IPCEF1: variants seen among roughly 807,000 people sequenced by gnomAD.
IPCEF1 encodes the protein interaction protein for cytohesin exchange factors 1.
Under a neutral mutation model 50.9 loss-of-function variants are expected in IPCEF1, and 31 were observed. The ratio of observed to expected loss-of-function variants is 0.61; its 90% CI spans 0.46 to 0.82. The LOEUF is 0.82. Among genes scored for constraint, IPCEF1 ranks in the 40% least tolerant of loss-of-function variants. The pLI, the probability that IPCEF1 is intolerant of heterozygous loss-of-function variation, is 0.00. For missense variants in IPCEF1, 458 were observed against 514.0 expected (o/e 0.89, Z 1.05); for synonymous variants, 181 against 192.0 (o/e 0.94, Z 0.47).
intron 7 of IPCEF1, among the ~76,000 whole-genome samples, chr6:154,219,985 AGT>A (rs57450665): frequency 0.2 from 27,885 of 139,754 alleles, 2,611 homozygotes; most frequent in East Asian, 0.27. Flanking sequence ...ACCTGTAAGG[AGT>A]GTGTGTGTGT....
chr6:154,246,751 G>C lies in IPCEF1; in HGVS notation c.86C>G (p.Thr29Arg), dbSNP rs201296055. 2 of 1,613,648 alleles carry C rather than the reference G, an allele frequency of 1.2e-6. No individual in the cohort carries two copies. Among genetic ancestry groups the C allele is most frequent in the Admixed American group, 1.7e-5 (1 of 59,976 alleles). ...ACACGATATCCTCCTCCGACTCATC[G>C]TGAGAAAACCTGCAATGATTACATG... ...KPRRKTQGFLTMSRRRISCKD... is the reference protein window; with the variant it reads ...KPRRKTQGFLRMSRRRISCKD... The change falls in exon 5 of 12, where the codon ACG (threonine) becomes AGG (arginine). Residue 29 changes from threonine to arginine, a missense_variant. Thr to Arg is a moderately conservative substitution (Grantham distance 71, BLOSUM62 -1). Coordinates refer to ENST00000367220, the MANE Select transcript of IPCEF1 (RefSeq NM_001130700.2).
At chr6:154,163,787 A>C (rs1162173369) in intron 11 of IPCEF1, among the ~76,000 whole-genome samples, 1 of 152,238 alleles carries the variant, frequency 6.6e-6, no homozygotes, top group Admixed American at 6.5e-5. Context: ...TTTCCATTAA[A>C]CAAAAAAACT....
In IPCEF1 at chr6:154,168,019, C is replaced by T. The variant is rs368158419; in HGVS notation, c.1005G>A (p.Ser335=). ...AGGATTTTCTCAACTCCTTTTTAGTCGAAGGTCGTCGGTCCCCAAGAGGAG... is the reference window on the plus strand; with the variant it reads ...AGGATTTTCTCAACTCCTTTTTAGTTGAAGGTCGTCGGTCCCCAAGAGGAG... ...SLSPLGDRRP[S]TKKELRKSFV... Residue 335 remains serine, a synonymous_variant, in exon 11 of 12, where the codon TCG becomes TCA. Coordinates refer to ENST00000367220, the MANE Select transcript of IPCEF1 (RefSeq NM_001130700.2). This position sits in a 1 kb window ranked among gnomAD's most constrained non-coding sequence, Gnocchi z 4.1. 5.6e-6 allele frequency: 9 copies of T among 1,611,280 alleles called. No individual in the cohort carries two copies. Among genetic ancestry groups the T allele is most frequent in the Middle Eastern group, 1.6e-4 (1 of 6,076 alleles).
chr6:154,224,395 A>G (rs1326826616), intron 5 of IPCEF1, among the ~76,000 whole-genome samples: 1 of 152,152 alleles, frequency 6.6e-6, no homozygotes, highest in Non-Finnish European at 1.5e-5. Context: ...TTCACCTGAA[A>G]TGCCTTCCTC....
intron 10 of IPCEF1, among the ~76,000 whole-genome samples, chr6:154,172,433 C>A (rs1243769770): frequency 6.6e-6 from 1 of 152,164 alleles, no homozygotes; most frequent in African/African-American, 2.4e-5. Context: ...TACACTTCTA[C>A]CCAAATACTG....
At chr6:154,201,577 T>C (rs1777070606) in intron 9 of IPCEF1, among the ~76,000 whole-genome samples, 1 of 152,174 alleles carries the variant, frequency 6.6e-6, no homozygotes, top group South Asian at 2.1e-4. Context: ...CTATGGGACA[T>C]GCCTGTCAAC....
chr6:154,302,277 G>C (rs1472691608), intron 1 of IPCEF1, among the ~76,000 whole-genome samples: 1 of 152,164 alleles, frequency 6.6e-6, no homozygotes, highest in East Asian at 1.9e-4. Flanking sequence ...AGAAATCTCT[G>C]AGTCACGCTC....
At chr6:154,195,606 T>A (rs1168835735) in intron 10 of IPCEF1, among the ~76,000 whole-genome samples, 2 of 152,132 alleles carry the variant, frequency 1.3e-5, no homozygotes, top group African/African-American at 2.4e-5. Flanking sequence ...CATGTACATA[T>A]CTTGCCACTT....
chr6:154,246,980 T>G, intron 4 of IPCEF1: 1 of 507,210 alleles, frequency 2.0e-6, no homozygotes, highest in Non-Finnish European at 3.3e-6. Flanking sequence ...TTTTTAAACA[T>G]TTGTTTCATG....
intron 3 of IPCEF1, among the ~76,000 whole-genome samples, chr6:154,263,959 G>C (rs1229505317): frequency 1.5e-5 from 2 of 135,442 alleles, no homozygotes; most frequent in Admixed American, 7.4e-5. Flanking sequence ...CCGGGCAGAG[G>C]CGCCCCTCAC....
At chr6:154,204,899 C>T (rs914900769) in intron 9 of IPCEF1, among the ~76,000 whole-genome samples, 2 of 152,216 alleles carry the variant, frequency 1.3e-5, no homozygotes, top group East Asian at 1.9e-4. Flanking sequence ...ACTCCTCCAC[C>T]TGCATCTCCT....
At chr6:154,352,291 T>TA (rs1162361814) in intron 1 of IPCEF1, among the ~76,000 whole-genome samples, 1 of 152,234 alleles carries the variant, frequency 6.6e-6, no homozygotes, top group African/African-American at 2.4e-5. Flanking sequence ...ACGTATGAAA[T>TA]ATTCAGAAAA....
chr6:154,350,643 A>AT (rs1161641518), intron 1 of IPCEF1, among the ~76,000 whole-genome samples: 2 of 152,118 alleles, frequency 1.3e-5, no homozygotes, highest in Admixed American at 6.5e-5. Flanking sequence ...GAAGGGCTCC[A>AT]TTGGTTTATA....
At chr6:154,180,405 TATA>T (rs1358654685) in intron 10 of IPCEF1, among the ~76,000 whole-genome samples, 11 of 41,988 alleles carry the variant, frequency 2.6e-4, no homozygotes, top group Middle Eastern at 0.018. Context: ...TATATATATA[TATA>T]TATATATTTT....
At chr6:154,245,713 G>T (rs7754313) in intron 5 of IPCEF1, among the ~76,000 whole-genome samples, 3,289 of 152,182 alleles carry the variant, frequency 0.022, 127 homozygotes, top group African/African-American at 0.075. Flanking sequence ...CTCCAGTGCT[G>T]ATCTTCACAG....
chr6:154,309,244 C>T (rs117223634), intron 1 of IPCEF1, among the ~76,000 whole-genome samples: 3,725 of 152,218 alleles, frequency 0.024, 72 homozygotes, highest in Non-Finnish European at 0.039. Flanking sequence ...CGCCAATAAC[C>T]GCTCATTCAC....
chr6:154,318,555 A>G (rs1415221657), intron 1 of IPCEF1, among the ~76,000 whole-genome samples: 1 of 151,986 alleles, frequency 6.6e-6, no homozygotes, highest in East Asian at 1.9e-4. Flanking sequence ...TGGTTTTAAC[A>G]ATATGTATTT....
At chr6:154,291,871 G>C (rs1225631091) in intron 1 of IPCEF1, among the ~76,000 whole-genome samples, 1 of 151,934 alleles carries the variant, frequency 6.6e-6, no homozygotes, top group Non-Finnish European at 1.5e-5. Context: ...TTTTAGTAGA[G>C]ACGGGGTTTC....
chr6:154,333,500 A>C (rs1783717273), intron 1 of IPCEF1, among the ~76,000 whole-genome samples: 1 of 151,866 alleles, frequency 6.6e-6, no homozygotes, highest in South Asian at 2.1e-4. Context: ...CAGACAGCCT[A>C]TTGTGGGACC....
Sources: allele counts gnomAD v4.1 joint callset (sites outside exome capture counted in the v4.1 genomes callset), GRCh38; gene constraint gnomAD v4.1.1; non-coding constraint Gnocchi (gnomAD v3.1); transcripts MANE v1.5; gene names NCBI Gene and HGNC (gene_info 2026-07-23, HGNC 2026-07-21).